The following ANGPT4 variants were observed in gnomAD, a reference collection of about 807,000 sequenced individuals.
ANGPT4 encodes angiopoietin-4.
A neutral mutation model predicts 53.0 loss-of-function variants in ANGPT4; 50 were observed. The ratio of observed to expected loss-of-function variants is 0.94; its 90% CI spans 0.75 to 1.20. The LOEUF is 1.20. Ranked by LOEUF, ANGPT4 falls within the 50% of genes most tolerant of loss-of-function variation. The probability of loss-of-function intolerance (pLI) is 0.00; values close to 1 mark genes in which losing one functional copy is unlikely to be tolerated. For missense variants in ANGPT4, 648 were observed against 637.1 expected, an observed-to-expected ratio of 1.02 and a Z score of -0.18; for synonymous variants, 251 against 259.7, an observed-to-expected ratio of 0.97 and a Z score of 0.32.
Position 870,761 on chromosome 20 carries a change from C to T in ANGPT4, c.*2199G>A, listed in dbSNP as rs889162471. 2 of 152,150 alleles carry T rather than the reference C, an allele frequency of 1.3e-5. No individual in the cohort carries two copies. Among genetic ancestry groups the T allele is most frequent in the African/African-American group, 4.8e-5 (2 of 41,422 alleles). The allele number at this position is 152,150 out of a possible 1,614,324, so 9.4% of individuals were successfully genotyped here. A position where few individuals can be genotyped will look rare whatever the true frequency, so the allele number is the denominator to read the frequency against. On this transcript the variant is annotated 3_prime_UTR_variant, in exon 9 of 9. Coordinates refer to ENST00000381922, the MANE Select transcript of ANGPT4 (RefSeq NM_015985.4). The stretch of plus-strand genomic sequence containing the variant: ...ACAAAAATAAAATGCCTTTTCCTCA[C>T]CTGAGTGCAGGAGAAGGGGCGGCAT...
At chr20:878,906 C>T (rs899694353) in intron 6 of ANGPT4, among the ~76,000 whole-genome samples, 2 of 152,172 alleles carry the variant, frequency 1.3e-5, no homozygotes, top group Non-Finnish European at 2.9e-5. Context: ...TGTCATGTCC[C>T]AATGCCCTTG....
chr20:884,979 T>C (rs578026493), intron 4 of ANGPT4, 99 bp downstream of exon 4: 1,298 of 1,522,492 alleles, frequency 8.5e-4, no homozygotes, highest in Non-Finnish European at 1.1e-3. Flanking sequence ...GGGCCCGCAA[T>C]GGCTCCCAGG....
chr20:914,560 G>A lies in ANGPT4; in HGVS notation c.309+1346C>T, dbSNP rs141042696. On this transcript the variant is annotated intron_variant, in intron 1 of 8. Coordinates refer to ENST00000381922, the MANE Select transcript of ANGPT4 (RefSeq NM_015985.4). This position sits in a 1 kb window ranked among gnomAD's most constrained non-coding sequence, Gnocchi z 5.0. ...GGGGCCGAGTGTTAGCAGGGAGCCA[G>A]GGGGGCAGCCAGGACAGCTATCCTG... Among the ~76,000 whole-genome samples the A allele has an allele frequency of 3.0e-4, 46 of 151,318 alleles. No homozygotes were observed. Among genetic ancestry groups the A allele is most frequent in the Non-Finnish European group, 5.0e-4 (34 of 67,466 alleles).
chr20:899,027 T>C (rs1383212008), intron 1 of ANGPT4, among the ~76,000 whole-genome samples: 1 of 152,234 alleles, frequency 6.6e-6, no homozygotes, highest in Non-Finnish European at 1.5e-5. Flanking sequence ...AGACTGACAC[T>C]GCCTGATTGC....
At position 914,001 on chromosome 20, in the gene ANGPT4, T is replaced by C. The variant is rs537240746; in HGVS notation, c.309+1905A>G. ...TGGGGGAGATCCAGGTCATGGGTTT[T>C]GGGCTCAGGATCCCATCAATGCCAA... On this transcript the variant is annotated intron_variant, in intron 1 of 8. Coordinates refer to ENST00000381922, the MANE Select transcript of ANGPT4 (RefSeq NM_015985.4). This position sits in a 1 kb window ranked among gnomAD's most constrained non-coding sequence, Gnocchi z 5.0. Among the ~76,000 whole-genome samples the C allele has an allele frequency of 6.6e-6, 1 of 152,152 alleles. No individual in the cohort carries two copies. The highest frequency in any genetic ancestry group is 1.5e-5 in the Non-Finnish European group (1 of 68,016).
intron 1 of ANGPT4, among the ~76,000 whole-genome samples, chr20:896,143 C>G (rs1185782627): frequency 6.6e-6 from 1 of 152,154 alleles, no homozygotes; most frequent in African/African-American, 2.4e-5. Flanking sequence ...CTCCAGTGAA[C>G]CCCCTCACCC....
chr20:912,768 A>G (rs117235581), intron 1 of ANGPT4, among the ~76,000 whole-genome samples: 4,581 of 152,132 alleles, frequency 0.03, 113 homozygotes, highest in Middle Eastern at 0.075. Context: ...AGCAAGCTGT[A>G]TGCTAGGAAA....
At position 885,078 on chromosome 20, in the gene ANGPT4, C is replaced by T; in HGVS notation, c.835G>A (p.Ala279Thr). 1 of 1,613,654 alleles carries T rather than the reference C, an allele frequency of 6.2e-7. No homozygotes were observed. The highest frequency in any genetic ancestry group is 1.7e-5 in the Admixed American group (1 of 60,030). ...ACTGGGGCGCACACCGCTCACTCAC[C>T]CGGGGCCGAGGCGTTAGCCCTTTCT... ...VQERANASAP[A>T]FIMAGEQVFQ... is the part of the protein sequence containing the mutation. Residue 279 changes from alanine (A) to threonine (T), a missense_variant and splice_region_variant, in exon 4 of 9, where the codon GCC (alanine) becomes ACC (threonine). Physicochemically the swap from Ala to Thr is moderately conservative, Grantham distance 58. Transcript: ENST00000381922.
rs1454794985 is a variant in ANGPT4, at chr20:911,542, T to A, written c.309+4364A>T. Among the ~76,000 whole-genome samples, 3 of 152,088 alleles carry A rather than the reference T, an allele frequency of 2.0e-5. No individual in the cohort carries two copies. Among genetic ancestry groups the A allele is most frequent in the African/African-American group, 7.2e-5 (3 of 41,388 alleles). ...ACAGGAAAAGATGCAGGGAGTCACT[T>A]TGATAGCCAACCAGGAGAGAGAATC... On this transcript the variant is annotated intron_variant, in intron 1 of 8. Coordinates refer to ENST00000381922, the MANE Select transcript of ANGPT4 (RefSeq NM_015985.4). This position sits in a 1 kb window ranked among gnomAD's most constrained non-coding sequence, Gnocchi z 4.9.
intron 2 of ANGPT4, among the ~76,000 whole-genome samples, chr20:888,690 C>T (rs1254889936): frequency 6.6e-6 from 1 of 152,172 alleles, no homozygotes; most frequent in African/African-American, 2.4e-5. Context: ...AGCTGTCAAC[C>T]CTGTCCCCCA....
intron 1 of ANGPT4, among the ~76,000 whole-genome samples, chr20:899,368 C>G (rs143832683): frequency 0.017 from 2,530 of 152,174 alleles, 45 homozygotes; most frequent in Non-Finnish European, 0.026. Context: ...CTGCCTCAGC[C>G]TCCCGAGTAG....
chr20:876,651 A>G (rs1981183216), intron 7 of ANGPT4, among the ~76,000 whole-genome samples: 1 of 152,212 alleles, frequency 6.6e-6, no homozygotes, highest in Non-Finnish European at 1.5e-5. Context: ...GGACTTGCTC[A>G]GGGTCACTCA....
At chr20:885,511 T>C (rs1170383277) in intron 3 of ANGPT4, among the ~76,000 whole-genome samples, 186 bp from the exon 4 acceptor site, 1 of 152,000 alleles carries the variant, frequency 6.6e-6, no homozygotes, top group African/African-American at 2.4e-5. Flanking sequence ...TGGAGTAATA[T>C]AGATTGAGGT....
At chr20:881,141 A>G in intron 5 of ANGPT4, 30 bp downstream of exon 5, 3 of 1,530,590 alleles carry the variant, frequency 2.0e-6, no homozygotes, top group Non-Finnish European at 8.8e-7. Context: ...GCACCCTCTA[A>G]CAGCCACAGT....
chr20:904,920 C>A (rs746550243), intron 1 of ANGPT4, among the ~76,000 whole-genome samples: 3 of 152,230 alleles, frequency 2.0e-5, no homozygotes, highest in Non-Finnish European at 4.4e-5. Context: ...TTTTGACTAT[C>A]GTTAACAAAC....
chr20:909,510 G>A (rs1982617404), intron 1 of ANGPT4, among the ~76,000 whole-genome samples: 1 of 152,188 alleles, frequency 6.6e-6, no homozygotes, highest in Admixed American at 6.5e-5. Context: ...AGTAAGATAT[G>A]GATGGTACGA....
At chr20:905,570 C>T (rs1015284879) in intron 1 of ANGPT4, among the ~76,000 whole-genome samples, 2 of 152,002 alleles carry the variant, frequency 1.3e-5, no homozygotes, top group African/African-American at 2.4e-5. Flanking sequence ...GGGGAAGAAA[C>T]ACCAGCACAG....
intron 3 of ANGPT4, among the ~76,000 whole-genome samples, chr20:886,709 CT>C (rs1981631960): frequency 6.6e-6 from 1 of 152,138 alleles, no homozygotes; most frequent in Non-Finnish European, 1.5e-5. Context: ...TGTTGAGTAG[CT>C]TATGTAAGGT....
At chr20:913,869 C>A (rs1479547641) in intron 1 of ANGPT4, among the ~76,000 whole-genome samples, 1 of 152,204 alleles carries the variant, frequency 6.6e-6, no homozygotes, top group African/African-American at 2.4e-5. Context: ...GTGGTGGTGT[C>A]ACCCTAAACA....
Sources: gnomAD v4.1 joint callset for allele counts (sites outside exome capture counted in the v4.1 genomes callset) on GRCh38, gnomAD v4.1.1 for gene constraint, Gnocchi (gnomAD v3.1) non-coding constraint, MANE v1.5 for transcripts, NCBI Gene and HGNC (gene_info 2026-07-23, HGNC 2026-07-21) for gene names.